The following CSTPP1 variants were observed in gnomAD, a reference collection of about 807,000 sequenced individuals.
CSTPP1 encodes UPF0705 protein C11orf49.
chr11:47,037,928 G>T, the CSTPP1 span, among the ~76,000 whole-genome samples: 2 of 126,928 alleles, frequency 1.6e-5, 1 homozygote, highest in Admixed American at 1.7e-4. Flanking sequence ...GGTGGTGGCC[G>T]GGCAGAGGGG....
At chr11:47,122,794 G>A in the CSTPP1 span, among the ~76,000 whole-genome samples, 1 of 152,112 alleles carries the variant, frequency 6.6e-6, no homozygotes. Flanking sequence ...GGCCAGGCTG[G>A]TCTCGAACTC....
chr11:47,091,194 A>G, the CSTPP1 span, among the ~76,000 whole-genome samples: 1 of 151,692 alleles, frequency 6.6e-6, no homozygotes, highest in Non-Finnish European at 1.5e-5. Context: ...GATCGAGACC[A>G]TCCTAGCTAA....
At chr11:47,157,299 G>C in the CSTPP1 span, 1 of 1,434,804 alleles carries the variant, frequency 7.0e-7, no homozygotes, top group Non-Finnish European at 9.3e-7. Flanking sequence ...TCCGCAGGAT[G>C]TTCTGCGCGG....
the CSTPP1 span, among the ~76,000 whole-genome samples, chr11:47,072,138 G>A: frequency 1.3e-5 from 2 of 152,142 alleles, no homozygotes; most frequent in African/African-American, 4.8e-5. Context: ...TTGTTCTCTG[G>A]CTTTGGTGCA....
the CSTPP1 span, chr11:47,023,530 C>T: frequency 8.5e-5 from 13 of 152,334 alleles, 1 homozygote; most frequent in Non-Finnish European, 1.9e-4. Flanking sequence ...GCAACCATCA[C>T]TGTCATCCAC....
chr11:46,960,862 A>AG, the CSTPP1 span, among the ~76,000 whole-genome samples: 3 of 118,478 alleles, frequency 2.5e-5, no homozygotes, highest in African/African-American at 2.2e-4. Context: ...CAAAAAAAAG[A>AG]AAAAAAAAAA....
the CSTPP1 span, among the ~76,000 whole-genome samples, chr11:47,136,426 A>G: frequency 6.6e-6 from 1 of 152,124 alleles, no homozygotes; most frequent in East Asian, 1.9e-4. Context: ...CCTTTGACCT[A>G]TATTGACGCT....
At chr11:46,967,432 A>C in the CSTPP1 span, among the ~76,000 whole-genome samples, 89,278 of 152,088 alleles carry the variant, frequency 0.59, 30,178 homozygotes, top group Non-Finnish European at 0.76. Context: ...TCTTTATGCT[A>C]ATATCACACT....
At chr11:47,036,055 ATT>A in the CSTPP1 span, among the ~76,000 whole-genome samples, 7 of 20,354 alleles carry the variant, frequency 3.4e-4, 3 homozygotes, top group Admixed American at 1.3e-3. Context: ...ATATATATAT[ATT>A]ATATATATAT....
At chr11:47,136,910 G>A in the CSTPP1 span, among the ~76,000 whole-genome samples, 2 of 152,214 alleles carry the variant, frequency 1.3e-5, no homozygotes, top group South Asian at 4.1e-4. Flanking sequence ...TCTCCCTCAG[G>A]ATCCTATAAA....
the CSTPP1 span, among the ~76,000 whole-genome samples, chr11:47,086,878 C>T: frequency 6.6e-6 from 1 of 152,066 alleles, no homozygotes; most frequent in Admixed American, 6.6e-5. Flanking sequence ...TAAACTTACT[C>T]CCTTTTTGAA....
the CSTPP1 span, among the ~76,000 whole-genome samples, chr11:47,047,964 C>T: frequency 6.6e-6 from 1 of 152,196 alleles, no homozygotes; most frequent in Non-Finnish European, 1.5e-5. Context: ...GATGCCACTT[C>T]ACATCTTCTA....
At chr11:47,033,645 C>A in the CSTPP1 span, among the ~76,000 whole-genome samples, 1 of 152,176 alleles carries the variant, frequency 6.6e-6, no homozygotes, top group African/African-American at 2.4e-5. Flanking sequence ...TGCACAACAT[C>A]TGGATGCAGT....
chr11:47,147,913 T>C, the CSTPP1 span, among the ~76,000 whole-genome samples: 5 of 152,134 alleles, frequency 3.3e-5, no homozygotes, highest in East Asian at 3.8e-4. Flanking sequence ...TCACTATTAT[T>C]ATCATCATCA....
At chr11:47,157,004 C>G in the CSTPP1 span, 5 of 1,613,468 alleles carry the variant, frequency 3.1e-6, no homozygotes, top group Non-Finnish European at 4.2e-6. Flanking sequence ...CACCCACACC[C>G]CCACCCCCAC....
At chr11:47,024,264 A>G in the CSTPP1 span, among the ~76,000 whole-genome samples, 2 of 151,454 alleles carry the variant, frequency 1.3e-5, no homozygotes, top group Admixed American at 6.6e-5. Flanking sequence ...GGACCTCACC[A>G]TGTTACCCAG....
the CSTPP1 span, among the ~76,000 whole-genome samples, chr11:46,966,001 T>C: frequency 6.6e-6 from 1 of 152,192 alleles, no homozygotes; most frequent in Admixed American, 6.5e-5. Context: ...TATCAAAAGA[T>C]CACGTTCATT....
At chr11:46,987,193 G>C in the CSTPP1 span, 7 of 1,611,022 alleles carry the variant, frequency 4.3e-6, no homozygotes, top group Non-Finnish European at 5.9e-6. Flanking sequence ...TTTCTCTCTT[G>C]CTATTTGATT....
the CSTPP1 span, chr11:47,160,538 A>G: frequency 6.5e-6 from 1 of 153,402 alleles, no homozygotes; most frequent in African/African-American, 2.4e-5. Flanking sequence ...ATGTACTTTG[A>G]AAACCACTAA....
Sources: gnomAD v4.1 joint callset for allele counts (sites outside exome capture counted in the v4.1 genomes callset) on GRCh38, gnomAD v4.1.1 for gene constraint, MANE v1.5 for transcripts, NCBI Gene and HGNC (gene_info 2026-07-23, HGNC 2026-07-21) for gene names.